NRXN1: variants seen among roughly 807,000 people sequenced by gnomAD.
The protein encoded by NRXN1 is neurexin 1.
NRXN1 carries 39 observed loss-of-function variants against 150.9 expected under a neutral mutation model. The observed-to-expected ratio is 0.26, with a 90% CI of 0.20 to 0.34. The LOEUF is 0.34. Ranked by LOEUF, NRXN1 falls within the 10% of genes least tolerant of loss-of-function variation. NRXN1 has a pLI of 1.00. For missense variants in NRXN1, 1,815 were observed against 1,949.9 expected, an observed-to-expected ratio of 0.93 and a Z score of 1.30; for synonymous variants, 924 against 757.0, an observed-to-expected ratio of 1.22 and a Z score of -3.62.
chr2:50,649,072 G>A (rs1170361830), intron 5 of NRXN1, among the ~76,000 whole-genome samples: 2 of 151,864 alleles, frequency 1.3e-5, no homozygotes, highest in East Asian at 3.9e-4. Context: ...AGTGAATTCA[G>A]CTTAATTTAA....
chr2:50,816,611 G>A (rs1668978271), intron 5 of NRXN1, among the ~76,000 whole-genome samples: 2 of 152,082 alleles, frequency 1.3e-5, no homozygotes, highest in African/African-American at 4.8e-5. Flanking sequence ...TTTGGTTCAT[G>A]AGGTGAAGGG....
At chr2:50,326,752 A>T (rs2076410358) in intron 17 of NRXN1, among the ~76,000 whole-genome samples, 1 of 152,192 alleles carries the variant, frequency 6.6e-6, no homozygotes, top group South Asian at 2.1e-4. Context: ...ACAATGCTTT[A>T]AAGGGTATAT....
intron 21 of NRXN1, among the ~76,000 whole-genome samples, chr2:49,968,636 G>C (rs1677384568): frequency 6.6e-6 from 1 of 151,984 alleles, no homozygotes; most frequent in African/African-American, 2.4e-5. Context: ...TTTATTTCGT[G>C]ACTGGATAAC....
intron 13 of NRXN1, among the ~76,000 whole-genome samples, chr2:50,503,003 G>A (rs907257187): frequency 1.3e-5 from 2 of 151,990 alleles, no homozygotes; most frequent in Admixed American, 6.6e-5. Context: ...GGAACATCCT[G>A]TTATTCCGAG....
intron 18 of NRXN1, among the ~76,000 whole-genome samples, chr2:50,134,273 G>GAAAAA (rs59985780): frequency 5.6e-4 from 54 of 96,458 alleles, no homozygotes; most frequent in African/African-American, 1.8e-3. Context: ...AAAGTAACCA[G>GAAAAA]AAAAAAAAAA....
At chr2:50,847,892 C>G (rs181834603) in intron 5 of NRXN1, among the ~76,000 whole-genome samples, 1 of 152,234 alleles carries the variant, frequency 6.6e-6, no homozygotes, top group Admixed American at 6.5e-5. Context: ...AAACCATCTC[C>G]CTCTGGCTCA....
intron 2 of NRXN1, among the ~76,000 whole-genome samples, chr2:50,977,587 A>T (rs1696071615): frequency 6.6e-6 from 1 of 151,992 alleles, no homozygotes; most frequent in Non-Finnish European, 1.5e-5. Context: ...TCTCTATTCA[A>T]CAAAAATATT....
intron 5 of NRXN1, among the ~76,000 whole-genome samples, chr2:50,750,318 T>C (rs1411307559): frequency 1.3e-5 from 2 of 150,298 alleles, no homozygotes; most frequent in South Asian, 4.2e-4. Flanking sequence ...TTTGTGTTTG[T>C]ATTTTTTTGA....
chr2:50,863,682 A>T (rs1480284956), intron 5 of NRXN1, among the ~76,000 whole-genome samples: 2 of 151,978 alleles, frequency 1.3e-5, no homozygotes, highest in Non-Finnish European at 1.5e-5. Flanking sequence ...AAAGCACAGA[A>T]CTACAGCTTC....
chr2:50,556,557 CT>C (rs1198286497), intron 8 of NRXN1, among the ~76,000 whole-genome samples: 2 of 146,692 alleles, frequency 1.4e-5, no homozygotes, highest in Admixed American at 6.8e-5. Flanking sequence ...TACTTCCTCG[CT>C]TCATGGGCTT....
At position 50,611,401 on chromosome 2, in the gene NRXN1, G is replaced by C. The variant is rs1334062460; in HGVS notation, c.1320+8621C>G. ...AAAAATCTGTGGGTCCCCTGGAAAG[G>C]AAAGATTCTATGTTTGAAAAGCTGA... On this transcript the variant is annotated intron_variant, in intron 8 of 22. Coordinates refer to ENST00000401669, the MANE Select transcript of NRXN1 (RefSeq NM_001330078.2). Among the ~76,000 whole-genome samples the C allele has an allele frequency of 2.0e-5, 3 of 152,122 alleles. No individual in the cohort carries two copies. In the East Asian group the frequency reaches 5.8e-4, roughly 29 times the overall value.
At chr2:50,272,201 G>A (rs1050814516) in intron 17 of NRXN1, among the ~76,000 whole-genome samples, 2 of 152,092 alleles carry the variant, frequency 1.3e-5, no homozygotes, top group African/African-American at 4.8e-5. Flanking sequence ...AAAACAAGAA[G>A]TTCTGTAACT....
At position 50,441,267 on chromosome 2, in the gene NRXN1, T is replaced by C. The variant is rs182964938; in HGVS notation, c.3364+24175A>G. Among the ~76,000 whole-genome samples, 19 of 152,318 alleles carry C rather than the reference T, an allele frequency of 1.2e-4. No homozygotes were observed. The East Asian group carries it at 3.5e-3, about 28-fold the overall frequency. ...CCCAAATTATAAATTGGCTATATAA[T>C]TACCTATTTCATGGTAAATGGATTA... On this transcript the variant is annotated intron_variant, in intron 17 of 22. Coordinates refer to ENST00000401669, the MANE Select transcript of NRXN1 (RefSeq NM_001330078.2).
In NRXN1 at chr2:50,799,053, T is replaced by A. The variant is rs562017284; in HGVS notation, c.832+122816A>T. On this transcript the variant is annotated intron_variant, in intron 5 of 22. Coordinates refer to ENST00000401669, the MANE Select transcript of NRXN1 (RefSeq NM_001330078.2). ...AACTACTTTTGCACCAGCCTAATAA[T>A]TTGGTATAAGCTGTCTATCTATATG... Among the ~76,000 whole-genome samples, 3 of 152,308 alleles carry A rather than the reference T, an allele frequency of 2.0e-5. No homozygotes were observed. The South Asian group carries it at 6.2e-4, about 32-fold the overall frequency.
intron 19 of NRXN1, among the ~76,000 whole-genome samples, chr2:50,075,638 G>T (rs1167795096): frequency 6.6e-6 from 1 of 152,124 alleles, no homozygotes; most frequent in Non-Finnish European, 1.5e-5. Flanking sequence ...ACTATCAATA[G>T]TGCTTCTTTT....
intron 17 of NRXN1, among the ~76,000 whole-genome samples, chr2:50,412,901 C>T (rs190599638): frequency 6.6e-6 from 1 of 152,174 alleles, no homozygotes; most frequent in Non-Finnish European, 1.5e-5. Flanking sequence ...CGAAGCTAGA[C>T]CCCAATCTTT....
At chr2:49,936,316 T>C (rs951380119) in intron 22 of NRXN1, among the ~76,000 whole-genome samples, 1 of 152,204 alleles carries the variant, frequency 6.6e-6, no homozygotes, top group Non-Finnish European at 1.5e-5. Flanking sequence ...TCAGATCAAA[T>C]GCATAATGCC....
At chr2:50,659,150 G>C (rs1443507143) in intron 5 of NRXN1, among the ~76,000 whole-genome samples, 1 of 151,988 alleles carries the variant, frequency 6.6e-6, no homozygotes, top group Non-Finnish European at 1.5e-5. Flanking sequence ...ATCAAGTAGG[G>C]AGGATGCTGA....
intron 5 of NRXN1, among the ~76,000 whole-genome samples, chr2:50,646,711 T>A: frequency 7.1e-6 from 1 of 139,878 alleles, no homozygotes; most frequent in African/African-American, 2.7e-5. Flanking sequence ...ATGTTGTCTT[T>A]TTTTTTTTTT....
Sources: gnomAD v4.1 joint callset for allele counts (sites outside exome capture counted in the v4.1 genomes callset) on GRCh38, gnomAD v4.1.1 for gene constraint, MANE v1.5 for transcripts, NCBI Gene and HGNC (gene_info 2026-07-23, HGNC 2026-07-21) for gene names.